CFAP20DC: variants seen among roughly 807,000 people sequenced by gnomAD.
CFAP20DC encodes CFAP20 domain containing, also known as protein CFAP20DC.
A neutral mutation model predicts 101.7 loss-of-function variants in CFAP20DC; 84 were observed. The observed-to-expected ratio is 0.83, with a 90% CI of 0.69 to 0.99. The LOEUF (loss-of-function observed/expected upper bound fraction) is 0.99, where lower values mean the gene tolerates loss of function less well. CFAP20DC is among the 50% of genes least tolerant of loss of function. The probability of loss-of-function intolerance (pLI) is 0.00; values close to 1 mark genes in which losing one functional copy is unlikely to be tolerated. For missense variants in CFAP20DC, 1,007 were observed against 970.3 expected (o/e 1.04, Z -0.50); for synonymous variants, 359 against 351.2 (o/e 1.02, Z -0.25).
chr3:58,866,430 TAAG>T (rs1226883190), intron 11 of CFAP20DC, 133 bp downstream of exon 11: 18 of 648,482 alleles, frequency 2.8e-5, no homozygotes, highest in African/African-American at 5.7e-5. Context: ...TGAGGTTAAA[TAAG>T]AAGATTTACA....
chr3:58,849,502 A>C, intron 12 of CFAP20DC, 93 bp from the exon 13 acceptor site: 1 of 970,374 alleles, frequency 1.0e-6, no homozygotes, highest in South Asian at 1.9e-5. Context: ...CATATTTTCT[A>C]TGAATAAAGC....
chr3:58,978,734 A>T (rs939480548), intron 4 of CFAP20DC, among the ~76,000 whole-genome samples: 2 of 151,192 alleles, frequency 1.3e-5, no homozygotes, highest in South Asian at 2.1e-4. Flanking sequence ...AAAAAAAAAA[A>T]GTCTTACTCT....
At chr3:58,800,644 T>C (rs2073619772) in intron 15 of CFAP20DC, among the ~76,000 whole-genome samples, 1 of 152,166 alleles carries the variant, frequency 6.6e-6, no homozygotes, top group Non-Finnish European at 1.5e-5. Flanking sequence ...TAGAAACTAT[T>C]ATTAATTATT....
intron 4 of CFAP20DC, among the ~76,000 whole-genome samples, chr3:59,019,881 A>G (rs1357771693): frequency 2.0e-5 from 3 of 152,036 alleles, no homozygotes. Context: ...CTAACATGTT[A>G]TTTGTTTTTC....
rs1010840315 is a variant in CFAP20DC, at chr3:58,732,538, A to G, written c.198-14910T>C. Among the ~76,000 whole-genome samples the G allele has an allele frequency of 5.9e-5, 9 of 152,204 alleles. No individual in the cohort carries two copies. The highest frequency in any genetic ancestry group is 1.7e-4 in the African/African-American group (7 of 41,444). On this transcript the variant is annotated intron_variant, in intron 3 of 3. Coordinates refer to the CFAP20DC transcript ENST00000486145. This position sits in a 1 kb window ranked among gnomAD's most constrained non-coding sequence, Gnocchi z 5.4. ...GCATTATAATAAATTTATAGTGCAC[A>G]CTATTTTAGAGGCTGACATGTACAG...
At chr3:58,979,574 C>G (rs1435196294) in intron 4 of CFAP20DC, among the ~76,000 whole-genome samples, 2 of 152,126 alleles carry the variant, frequency 1.3e-5, no homozygotes, top group African/African-American at 2.4e-5. Flanking sequence ...CTCTGAACTT[C>G]CATAAGAGAA....
Position 58,728,926 on chromosome 3 carries a change from A to C in CFAP20DC, c.198-11298T>G, listed in dbSNP as rs866718857. The stretch of plus-strand genomic sequence containing the variant: ...TGTGACCAATCAAGTATGGATGATG[A>C]TGATGTGTGACTGCTGGGGCTAGGT... On this transcript the variant is annotated intron_variant, in intron 3 of 3. Transcript: ENST00000486145. The surrounding 1 kb of genome is among the most constrained non-coding windows in gnomAD (Gnocchi z 4.7). Among the ~76,000 whole-genome samples, 8 of 152,112 alleles carry C rather than the reference A, an allele frequency of 5.3e-5. No homozygotes were observed. The South Asian group carries it at 1.0e-3, about 20-fold the overall frequency.
chr3:58,783,596 A>T (rs2072042629), intron 15 of CFAP20DC, among the ~76,000 whole-genome samples: 2 of 152,072 alleles, frequency 1.3e-5, no homozygotes, highest in South Asian at 4.1e-4. Context: ...GAACTCAGCA[A>T]GAAGAAACCA....
intron 4 of CFAP20DC, among the ~76,000 whole-genome samples, chr3:59,024,909 T>C (rs2093866686): frequency 6.6e-6 from 1 of 152,162 alleles, no homozygotes; most frequent in Admixed American, 6.5e-5. Context: ...ACATATCTAC[T>C]TGGCACTGCC....
At chr3:58,853,538 G>T (rs1164968517) in intron 12 of CFAP20DC, among the ~76,000 whole-genome samples, 1 of 151,932 alleles carries the variant, frequency 6.6e-6, no homozygotes, top group Non-Finnish European at 1.5e-5. Flanking sequence ...CCAAAAAAGA[G>T]AATTTTAGAC....
intron 16 of CFAP20DC, among the ~76,000 whole-genome samples, chr3:58,753,432 G>A (rs1027521842): frequency 1.3e-5 from 2 of 152,188 alleles, no homozygotes; most frequent in Non-Finnish European, 2.9e-5. Flanking sequence ...TTTTATAGAT[G>A]TAGTAATCAA....
At chr3:58,718,360 C>T (rs1224670662) in intron 3 of CFAP20DC, among the ~76,000 whole-genome samples, 1 of 152,182 alleles carries the variant, frequency 6.6e-6, no homozygotes, top group Non-Finnish European at 1.5e-5. Context: ...CTAATTCCTT[C>T]TCACCCCAGA....
chr3:58,806,299 A>C (rs2074048718), intron 15 of CFAP20DC, 96 bp downstream of exon 15: 2 of 813,312 alleles, frequency 2.5e-6, no homozygotes, highest in East Asian at 5.1e-5. Context: ...TGGAAGCTAG[A>C]AGTTTTGGAA....
chr3:58,726,232 A>G, intron 3 of CFAP20DC: 1 of 152,232 alleles, frequency 6.6e-6, no homozygotes, highest in Admixed American at 6.5e-5. Context: ...TATAGGGTAA[A>G]TCATTGGAGT....
intron 5 of CFAP20DC, among the ~76,000 whole-genome samples, chr3:58,934,591 T>A (rs529802734): frequency 6.1e-4 from 93 of 152,298 alleles, no homozygotes; most frequent in African/African-American, 2.1e-3. Context: ...AGTGGGCTTC[T>A]TCCCTGGGAT....
chr3:58,886,058 T>C (rs143875026), intron 6 of CFAP20DC, among the ~76,000 whole-genome samples: 1 of 152,278 alleles, frequency 6.6e-6, no homozygotes, highest in African/African-American at 2.4e-5. Flanking sequence ...TTGTCATTTG[T>C]AGCAAGTGGG....
At chr3:58,908,473 G>C (rs972631349) in intron 6 of CFAP20DC, among the ~76,000 whole-genome samples, 1 of 152,066 alleles carries the variant, frequency 6.6e-6, no homozygotes, top group Admixed American at 6.6e-5. Flanking sequence ...ATATTAGAAC[G>C]GTGAAATATC....
chr3:58,758,612 T>C (rs2069192461), intron 15 of CFAP20DC, among the ~76,000 whole-genome samples: 1 of 152,176 alleles, frequency 6.6e-6, no homozygotes. Flanking sequence ...TATGTACACA[T>C]GTGCCATGTT....
chr3:58,786,183 A>C (rs1249497908), intron 15 of CFAP20DC, among the ~76,000 whole-genome samples: 1 of 152,144 alleles, frequency 6.6e-6, no homozygotes, highest in African/African-American at 2.4e-5. Flanking sequence ...CCCAACTAAC[A>C]ACTCATGGAG....
Sources: gnomAD v4.1 joint callset for allele counts (sites outside exome capture counted in the v4.1 genomes callset) on GRCh38, gnomAD v4.1.1 for gene constraint, Gnocchi (gnomAD v3.1) non-coding constraint, MANE v1.5 for transcripts, NCBI Gene and HGNC (gene_info 2026-07-23, HGNC 2026-07-21) for gene names.